The following UGT1A8 variants were observed in gnomAD, a reference collection of about 807,000 sequenced individuals.
The protein encoded by UGT1A8 is UDP-glucuronosyltransferase 1A8.
UGT1A8 carries 39 observed loss-of-function variants against 45.3 expected under a neutral mutation model. The observed-to-expected ratio is 0.86, with a 90% CI of 0.67 to 1.12. The LOEUF (loss-of-function observed/expected upper bound fraction) is 1.12, where lower values mean the gene tolerates loss of function less well. UGT1A8 is among the 50% of genes most tolerant of loss of function. The pLI is 0.00. For missense variants in UGT1A8, 719 were observed against 664.9 expected (o/e 1.08, Z -0.90); for synonymous variants, 275 against 249.2 (o/e 1.10, Z -0.97).
At chr2:233,669,666 A>G (rs1326318640) in intron 1 of UGT1A8, among the ~76,000 whole-genome samples, 11 of 152,068 alleles carry the variant, frequency 7.2e-5, no homozygotes, top group African/African-American at 2.7e-4. Context: ...ATTAGCATAG[A>G]AAGGTTTTGT....
intron 1 of UGT1A8, among the ~76,000 whole-genome samples, chr2:233,756,693 T>C (rs1305461555): frequency 6.6e-6 from 1 of 152,168 alleles, no homozygotes; most frequent in East Asian, 1.9e-4. Context: ...ATAATGACGA[T>C]GAATTTTGGG....
chr2:233,744,959 A>G (rs1028128963), intron 1 of UGT1A8, among the ~76,000 whole-genome samples: 2 of 151,812 alleles, frequency 1.3e-5, no homozygotes, highest in African/African-American at 4.9e-5. Context: ...TAACCTACCA[A>G]TATCCTTCTT....
chr2:233,695,207 C>A (rs1327154624), intron 1 of UGT1A8, among the ~76,000 whole-genome samples: 2 of 151,466 alleles, frequency 1.3e-5, no homozygotes, highest in East Asian at 1.9e-4. Flanking sequence ...CCCACTGCAA[C>A]CTCCACCTCC....
In UGT1A8 at chr2:233,731,114, G is replaced by T. The variant is rs184066438; in HGVS notation, c.856-35920G>T. ...TTCTGTGCCTTTTTTATAAATGTAG[G>T]TATTATTGCAAAAGACTCTAAGCTT... On this transcript the variant is annotated intron_variant, in intron 1 of 4. Transcript: ENST00000373450. Among the ~76,000 whole-genome samples, 112 of 151,994 alleles carry T rather than the reference G, an allele frequency of 7.4e-4. 1 individual carries two copies. Among genetic ancestry groups the T allele is most frequent in the African/African-American group, 2.6e-3 (107 of 41,462 alleles).
At chr2:233,637,016 C>G (rs2073310892) in intron 1 of UGT1A8, 1 of 1,614,108 alleles carries the variant, frequency 6.2e-7, no homozygotes, top group Non-Finnish European at 8.5e-7. Flanking sequence ...TCCCTCCCCT[C>G]TGTGGTCTTC....
intron 1 of UGT1A8, among the ~76,000 whole-genome samples, chr2:233,664,873 C>T (rs997892168): frequency 6.6e-6 from 1 of 152,148 alleles, no homozygotes; most frequent in Non-Finnish European, 1.5e-5. Flanking sequence ...CCTTTTGTGC[C>T]ACTTCATGGA....
rs17868320 is a variant in UGT1A8, at chr2:233,669,782, C to T, written c.855+51220C>T. Among the ~76,000 whole-genome samples the T allele has an allele frequency of 0.04, 6,066 of 152,236 alleles. 143 individuals carry two copies. Among genetic ancestry groups the T allele is most frequent in the Non-Finnish European group, 0.058 (3,958 of 67,998 alleles). ...CAATGCAACCTCCGCTTCCCGGGTT[C>T]AAGTGATTCTCCTGCCTCAGCCTCC... On this transcript the variant is annotated intron_variant, in intron 1 of 4. Transcript: ENST00000373450.
intron 1 of UGT1A8, among the ~76,000 whole-genome samples, chr2:233,759,549 T>A (rs1172160092): frequency 6.6e-6 from 1 of 152,280 alleles, no homozygotes; most frequent in South Asian, 2.1e-4. Context: ...TGCGCTCCAG[T>A]GAATTTCCCT....
chr2:233,687,090 G>A (rs978778348), intron 1 of UGT1A8, among the ~76,000 whole-genome samples: 1 of 152,214 alleles, frequency 6.6e-6, no homozygotes, highest in Non-Finnish European at 1.5e-5. Context: ...TACTTCAGCT[G>A]TGACACTTGC....
chr2:233,678,755 TATCAGGTC>T (rs78535700), intron 1 of UGT1A8, among the ~76,000 whole-genome samples: 27,593 of 152,060 alleles, frequency 0.18, 2,704 homozygotes, highest in Non-Finnish European at 0.23. Flanking sequence ...CACTCATCTC[TATCAGGTC>T]ATCTATTGAT....
At chr2:233,671,769 T>C (rs971183791) in intron 1 of UGT1A8, 139 of 1,368,256 alleles carry the variant, frequency 1.0e-4, no homozygotes, top group Non-Finnish European at 1.3e-4. Flanking sequence ...GCTACTCATA[T>C]ATTCTTGTTC....
intron 1 of UGT1A8, among the ~76,000 whole-genome samples, chr2:233,656,875 C>T (rs1397580977): frequency 6.6e-6 from 1 of 151,738 alleles, no homozygotes; most frequent in Non-Finnish European, 1.5e-5. Flanking sequence ...TTAAGATGTG[C>T]AGATAAACAC....
chr2:233,626,183 G>A (rs17874938), intron 1 of UGT1A8, among the ~76,000 whole-genome samples: 22,250 of 152,030 alleles, frequency 0.15, 1,693 homozygotes, highest in African/African-American at 0.17. Context: ...CTTTTATACA[G>A]TACTAATCCT....
chr2:233,640,973 CCT>C (rs1161646552), intron 1 of UGT1A8, among the ~76,000 whole-genome samples: 12 of 152,070 alleles, frequency 7.9e-5, no homozygotes, highest in African/African-American at 2.7e-4. Context: ...GACACATAGC[CCT>C]CCTGCAAAAA....
intron 1 of UGT1A8, chr2:233,690,853 C>T: frequency 4.7e-6 from 5 of 1,064,736 alleles, no homozygotes; most frequent in Non-Finnish European, 5.7e-6. Flanking sequence ...TTTCTAATAC[C>T]TTCTTAATTT....
chr2:233,651,775 A>G (rs756956420), intron 1 of UGT1A8, among the ~76,000 whole-genome samples: 1 of 152,174 alleles, frequency 6.6e-6, no homozygotes, highest in Non-Finnish European at 1.5e-5. Context: ...TGGAGTGTGC[A>G]TCTGTGCCTG....
intron 1 of UGT1A8, chr2:233,729,894 G>A (rs2077943725): frequency 1.9e-6 from 3 of 1,613,848 alleles, no homozygotes; most frequent in East Asian, 4.5e-5. Context: ...CTGTGTGGCT[G>A]TTCCGAGGGG....
At chr2:233,744,380 A>G (rs1168834333) in intron 1 of UGT1A8, among the ~76,000 whole-genome samples, 1 of 151,890 alleles carries the variant, frequency 6.6e-6, no homozygotes, top group Non-Finnish European at 1.5e-5. Context: ...GCAGTTCTCC[A>G]ACGTTCCAGC....
intron 4 of UGT1A8, chr2:233,770,180 T>C (rs1257391797): frequency 6.6e-6 from 1 of 152,250 alleles, no homozygotes; most frequent in Non-Finnish European, 1.5e-5. Context: ...CTCAACTTAT[T>C]AACTAACTTT....
Sources: allele counts gnomAD v4.1 joint callset (sites outside exome capture counted in the v4.1 genomes callset), GRCh38; gene constraint gnomAD v4.1.1; transcripts MANE v1.5; gene names NCBI Gene and HGNC (gene_info 2026-07-23, HGNC 2026-07-21).